CNOT7: variants seen among roughly 807,000 people sequenced by gnomAD.
CNOT7 encodes the protein CCR4-NOT transcription complex subunit 7.
In CNOT7, 4 loss-of-function variants were observed where a neutral mutation model predicts 37.1. The observed-to-expected ratio is 0.11, with a 90% confidence interval of 0.05 to 0.25. The LOEUF (loss-of-function observed/expected upper bound fraction) is 0.25, where lower values mean the gene tolerates loss of function less well. Among genes scored for constraint, CNOT7 ranks in the 10% least tolerant of loss-of-function variants. The pLI is 1.00. For synonymous variants in CNOT7, 128 were observed against 115.6 expected, an observed-to-expected ratio of 1.11 and a Z score of -0.69; for missense variants, 170 against 336.2, an observed-to-expected ratio of 0.51 and a Z score of 3.87.
chr8:17,233,168 A>C (rs1223615923), intron 5 of CNOT7, among the ~76,000 whole-genome samples: 1 of 152,162 alleles, frequency 6.6e-6, no homozygotes, highest in Admixed American at 6.5e-5. Context: ...CAGTAACAGA[A>C]GGAAAGAAAG....
chr8:17,243,640 A>G (rs1338729319), intron 2 of CNOT7: 2 of 456,568 alleles, frequency 4.4e-6, no homozygotes, highest in Non-Finnish European at 8.8e-6. Flanking sequence ...AAACATCATT[A>G]GCTTCCTAAT....
At position 17,226,580 on chromosome 8, in the gene CNOT7, T is replaced by C. The variant is rs2150960997; in HGVS notation, c.*4140A>G. The C allele has an allele frequency of 6.6e-6, 1 of 151,830 alleles. No individual in the cohort carries two copies. Among genetic ancestry groups the C allele is most frequent in the East Asian group, 1.9e-4 (1 of 5,164 alleles). The allele number at this position is 151,830 out of a possible 1,614,324, so 9.4% of individuals were successfully genotyped here. ...AAACTTTAAAAGCATTTAATTGCAG[T>C]TAAATGCTTTTAAAATTTAAAAATT... On this transcript the variant is annotated 3_prime_UTR_variant, in exon 7 of 7. Transcript: ENST00000361272.
chr8:17,239,579 C>T (rs1809860931), intron 3 of CNOT7, among the ~76,000 whole-genome samples: 1 of 152,266 alleles, frequency 6.6e-6, no homozygotes, highest in East Asian at 1.9e-4. Flanking sequence ...GCAAGCTCCA[C>T]CTCCTGGGTT....
chr8:17,243,712 T>C (rs952009166), intron 2 of CNOT7: 1 of 453,436 alleles, frequency 2.2e-6, no homozygotes, highest in African/African-American at 2.0e-5. Flanking sequence ...AAGAATTGCA[T>C]GCCACCTACT....
At chr8:17,232,746 C>A (rs1808799423) in intron 5 of CNOT7, among the ~76,000 whole-genome samples, 1 of 151,980 alleles carries the variant, frequency 6.6e-6, no homozygotes, top group South Asian at 2.1e-4. Flanking sequence ...AAAACAAGAT[C>A]CTAATTGGGA....
rs1808271883 is a variant in CNOT7, at chr8:17,228,026, C to T, written c.*2694G>A. ...CTTTCCCATTATAGCAAAAAAGTAT[C>T]CATAGATAATATGTAAATTAGTGTG... is the stretch of plus-strand genomic sequence containing the variant. On this transcript the variant is annotated 3_prime_UTR_variant, in exon 7 of 7. Coordinates refer to ENST00000361272, the MANE Select transcript of CNOT7 (RefSeq NM_013354.7). 6.6e-6 allele frequency: 1 copy of T among 151,898 alleles called. No homozygotes were observed. The highest frequency in any genetic ancestry group is 1.5e-5 in the Non-Finnish European group (1 of 67,842). The allele number at this position is 151,898 out of a possible 1,614,324, so 9.4% of individuals were successfully genotyped here.
intron 6 of CNOT7, 46 bp downstream of exon 6, chr8:17,232,381 C>A (rs1239065776): frequency 1.2e-6 from 2 of 1,612,722 alleles, no homozygotes; most frequent in South Asian, 1.1e-5. Flanking sequence ...TTTTAATGTT[C>A]TCAACCTAAC....
chr8:17,226,029 C>CTTTTTTTTTTTTTTTT lies in CNOT7; in HGVS notation c.*4675_*4690dup, dbSNP rs61036000. The CTTTTTTTTTTTTTTTT allele has an allele frequency of 1.2e-4, 7 of 58,720 alleles. 1 individual carries two copies. The highest frequency in any genetic ancestry group is 8.6e-4 in the Admixed American group (3 of 3,506). The allele number at this position is 58,720 out of a possible 1,614,324, so 3.6% of individuals were successfully genotyped here. A position where few individuals can be genotyped will look rare whatever the true frequency, so the allele number is the denominator to read the frequency against. ...TCTTCTAGTAGAGAGGTGGACAAGCCTTTTTTTTTTTTTTTTTTTTTTTTT... is the reference window on the plus strand; with the variant it reads ...TCTTCTAGTAGAGAGGTGGACAAGCCTTTTTTTTTTTTTTTTTTTTTTTTTTTTTTTTTTTTTTTTT... On this transcript the variant is annotated 3_prime_UTR_variant, in exon 7 of 7. Transcript: ENST00000361272.
chr8:17,239,863 C>G (rs889701692), intron 3 of CNOT7, among the ~76,000 whole-genome samples: 3 of 152,242 alleles, frequency 2.0e-5, no homozygotes, highest in African/African-American at 7.2e-5. Context: ...CAGAATGCTT[C>G]TCTTCTTCAC....
At chr8:17,243,289 T>C (rs1285090875) in intron 2 of CNOT7, 104 bp from the exon 3 acceptor site, 4 of 819,596 alleles carry the variant, frequency 4.9e-6, no homozygotes, top group Middle Eastern at 2.4e-4. Flanking sequence ...GATGATATTC[T>C]ACACATTTAT....
chr8:17,244,833 C>T, intron 2 of CNOT7: 2 of 491,506 alleles, frequency 4.1e-6, no homozygotes, highest in East Asian at 3.5e-5. Context: ...TGCGTTTTCC[C>T]TCACTGCAAT....
chr8:17,233,065 A>AG (rs1808840129), intron 5 of CNOT7, among the ~76,000 whole-genome samples: 1 of 152,204 alleles, frequency 6.6e-6, no homozygotes, highest in Non-Finnish European at 1.5e-5. Flanking sequence ...ACAACTCCTT[A>AG]GAGTGGTCTG....
chr8:17,241,012 G>A (rs1810085447), intron 3 of CNOT7, among the ~76,000 whole-genome samples: 1 of 152,132 alleles, frequency 6.6e-6, no homozygotes, highest in African/African-American at 2.4e-5. Flanking sequence ...AGCCATCCTG[G>A]GCCAAGGGTT....
chr8:17,232,653 A>C (rs1166432308), intron 5 of CNOT7, 116 bp from the exon 6 acceptor site: 2 of 821,388 alleles, frequency 2.4e-6, no homozygotes, highest in Admixed American at 5.2e-5. Context: ...GTAAAGGTGA[A>C]TCTTATAAAG....
chr8:17,234,483 A>G (rs1388987210), intron 5 of CNOT7: 7 of 476,474 alleles, frequency 1.5e-5, no homozygotes, highest in East Asian at 3.9e-5. Flanking sequence ...ACCGGACCTA[A>G]GCCTGAAATG....
In CNOT7 at chr8:17,227,298, C is replaced by T. The variant is rs2959608; in HGVS notation, c.*3422G>A. ...TTATCAACTTTTTTGAAAATATTCC[C>T]ACTTGTAGTTCCATACAAATTCTTC... is the stretch of plus-strand genomic sequence containing the variant. On this transcript the variant is annotated 3_prime_UTR_variant, in exon 7 of 7. Coordinates refer to ENST00000361272, the MANE Select transcript of CNOT7 (RefSeq NM_013354.7). 0.4 allele frequency: 60,373 copies of T among 151,676 alleles called. 14,480 individuals carry two copies. The highest frequency in any genetic ancestry group is 0.54 in the Non-Finnish European group (36,819 of 67,688). The allele number at this position is 151,676 out of a possible 1,614,324, so 9.4% of individuals were successfully genotyped here.
chr8:17,242,848 C>T (rs2904701), intron 3 of CNOT7, 144 bp downstream of exon 3: 471,405 of 471,668 alleles, frequency 1, 235,573 homozygotes, highest in East Asian at 1. Flanking sequence ...AAGAAAACCA[C>T]GCTTTTGAAA....
rs1440633814 is a variant in CNOT7 at position 17,229,801 on chromosome 8, C to T, written c.*919G>A. Reference sequence around the variant, plus strand: ...TTTTAATAAAATTGATTTGTGTAACCAACAAATCAAGAGCATCATAAGAAT... The same window carrying T: ...TTTTAATAAAATTGATTTGTGTAACTAACAAATCAAGAGCATCATAAGAAT... On this transcript the variant is annotated 3_prime_UTR_variant, in exon 7 of 7. Transcript: ENST00000361272. 3 of 148,330 alleles carry T rather than the reference C, an allele frequency of 2.0e-5. No homozygotes were observed. Among genetic ancestry groups the T allele is most frequent in the South Asian group, 2.2e-4 (1 of 4,646 alleles). 9.2% of individuals were successfully genotyped at this position (148,330 alleles called of 1,614,324 possible).
chr8:17,246,078 A>G (rs1279790476), intron 1 of CNOT7: 4 of 152,258 alleles, frequency 2.6e-5, no homozygotes, highest in Non-Finnish European at 5.9e-5. Flanking sequence ...CCCCTCCTTT[A>G]TAACTCTCCC....
Sources: allele counts gnomAD v4.1 joint callset (sites outside exome capture counted in the v4.1 genomes callset), GRCh38; gene constraint gnomAD v4.1.1; transcripts MANE v1.5; gene names NCBI Gene and HGNC (gene_info 2026-07-23, HGNC 2026-07-21).